THRB: variants seen among roughly 807,000 people sequenced by gnomAD.
THRB encodes the protein thyroid hormone receptor beta.
A neutral mutation model predicts 47.8 loss-of-function variants in THRB; 12 were observed. The ratio of observed to expected loss-of-function variants is 0.25; its 90% CI spans 0.16 to 0.41. THRB has a LOEUF of 0.41. THRB is among the 10% of genes least tolerant of loss of function. The pLI is 1.00. For missense variants in THRB, 348 were observed against 589.2 expected (o/e 0.59, Z 4.24); for synonymous variants, 218 against 212.2 (o/e 1.03, Z -0.24).
chr3:24,208,626 T>C (rs2045667137), intron 4 of THRB, among the ~76,000 whole-genome samples: 1 of 152,212 alleles, frequency 6.6e-6, no homozygotes, highest in South Asian at 2.1e-4. Context: ...TAAATGGTGC[T>C]GGGAAAACTG....
chr3:24,321,116 A>C (rs1036335139), intron 2 of THRB, among the ~76,000 whole-genome samples: 1 of 152,208 alleles, frequency 6.6e-6, no homozygotes, highest in African/African-American at 2.4e-5. Flanking sequence ...ATTTATTCTA[A>C]AGTCCATGAA....
At chr3:24,175,705 T>G (rs1217083208) in intron 5 of THRB, among the ~76,000 whole-genome samples, 1 of 152,104 alleles carries the variant, frequency 6.6e-6, no homozygotes. Context: ...GTGGCTTGAA[T>G]ATCATGGCAT....
intron 3 of THRB, among the ~76,000 whole-genome samples, chr3:24,237,113 A>G (rs369093104): frequency 3.3e-5 from 5 of 152,200 alleles, no homozygotes; most frequent in Admixed American, 6.5e-5. Flanking sequence ...GTTAGTAAAA[A>G]TGTGGAAAAC....
intron 1 of THRB, among the ~76,000 whole-genome samples, chr3:24,399,349 T>G (rs1432961162): frequency 1.3e-5 from 2 of 152,052 alleles, no homozygotes; most frequent in African/African-American, 2.4e-5. Flanking sequence ...AGGTTATAAT[T>G]CCTTTTTTCT....
intron 1 of THRB, among the ~76,000 whole-genome samples, chr3:24,482,611 C>T (rs934628575): frequency 2.0e-5 from 3 of 151,378 alleles, no homozygotes; most frequent in Non-Finnish European, 4.4e-5. Flanking sequence ...GACACAGGAC[C>T]CCCAGCTTCC....
chr3:24,147,376 C>A (rs1452947595), intron 6 of THRB, among the ~76,000 whole-genome samples: 1 of 152,180 alleles, frequency 6.6e-6, no homozygotes, highest in African/African-American at 2.4e-5. Flanking sequence ...CTTGAGACAG[C>A]CATGATCAGC....
At chr3:24,369,299 A>G (rs1382364834) in intron 1 of THRB, among the ~76,000 whole-genome samples, 2 of 152,158 alleles carry the variant, frequency 1.3e-5, no homozygotes, top group Admixed American at 6.6e-5. Context: ...GAATTCAGTT[A>G]TCACAACTCT....
intron 10 of THRB, among the ~76,000 whole-genome samples, chr3:24,126,173 A>C (rs1262369375): frequency 6.6e-6 from 1 of 152,162 alleles, no homozygotes; most frequent in Non-Finnish European, 1.5e-5. Flanking sequence ...TGAGAAGATC[A>C]CTTGAGCCCA....
intron 5 of THRB, among the ~76,000 whole-genome samples, chr3:24,154,241 AT>A (rs1306693642): frequency 1.3e-5 from 2 of 152,202 alleles, no homozygotes; most frequent in African/African-American, 4.8e-5. Flanking sequence ...CTTGTCAGTC[AT>A]TTTTAAAAAG....
intron 2 of THRB, among the ~76,000 whole-genome samples, chr3:24,321,859 A>C (rs1470050818): frequency 1.3e-5 from 2 of 152,216 alleles, no homozygotes; most frequent in Non-Finnish European, 2.9e-5. Context: ...ACACCATGAA[A>C]AATAGAATGT....
In THRB at chr3:24,412,055, A is replaced by G. The variant is rs552408898; in HGVS notation, c.-260-74684T>C. 7.2e-5 allele frequency among the ~76,000 whole-genome samples: 11 copies of G among 151,888 alleles called. No homozygotes were observed. The East Asian group carries it at 2.0e-3, about 27-fold the overall frequency. On this transcript the variant is annotated intron_variant, in intron 1 of 10. Coordinates refer to ENST00000646209, the MANE Select transcript of THRB (RefSeq NM_001354712.2). Reference sequence around the variant, plus strand: ...AGGTGCAGGAGAGGGAAAGATATAAACATGACATGTACAGAGTACTCCATT... The same window carrying G: ...AGGTGCAGGAGAGGGAAAGATATAAGCATGACATGTACAGAGTACTCCATT...
intron 3 of THRB, among the ~76,000 whole-genome samples, chr3:24,279,862 C>A (rs1047869957): frequency 6.6e-6 from 1 of 152,184 alleles, no homozygotes; most frequent in African/African-American, 2.4e-5. Flanking sequence ...AGTTCTTAAT[C>A]TGTGATCCAT....
chr3:24,208,933 A>C (rs1414720911), intron 4 of THRB, among the ~76,000 whole-genome samples: 7 of 152,236 alleles, frequency 4.6e-5, no homozygotes, highest in African/African-American at 1.4e-4. Context: ...AAATTTTTGC[A>C]ATCTACGCAT....
intron 1 of THRB, among the ~76,000 whole-genome samples, chr3:24,392,173 T>C (rs1170846772): frequency 6.6e-6 from 1 of 152,154 alleles, no homozygotes; most frequent in Non-Finnish European, 1.5e-5. Flanking sequence ...ATATTTAACA[T>C]TTTATTATGG....
At chr3:24,477,343 T>C (rs1695642902) in intron 1 of THRB, among the ~76,000 whole-genome samples, 1 of 152,178 alleles carries the variant, frequency 6.6e-6, no homozygotes, top group Non-Finnish European at 1.5e-5. Context: ...ATAGTTTGTT[T>C]TCTGCACTTT....
chr3:24,261,534 T>C (rs115722846), intron 3 of THRB, among the ~76,000 whole-genome samples: 5,688 of 149,538 alleles, frequency 0.038, 339 homozygotes, highest in African/African-American at 0.12. Flanking sequence ...AAAAACTCTC[T>C]AGATCCCACT....
At chr3:24,319,425 T>G (rs1377336883) in intron 2 of THRB, among the ~76,000 whole-genome samples, 1 of 152,232 alleles carries the variant, frequency 6.6e-6, no homozygotes, top group Non-Finnish European at 1.5e-5. Context: ...ACAACAGGTA[T>G]GAATCTTACA....
At chr3:24,234,972 C>A (rs1421632981) in intron 3 of THRB, among the ~76,000 whole-genome samples, 1 of 152,108 alleles carries the variant, frequency 6.6e-6, no homozygotes, top group African/African-American at 2.4e-5. Flanking sequence ...AAATGGGGAG[C>A]CACGGAAGGT....
At chr3:24,475,696 T>C (rs1307239397) in intron 1 of THRB, among the ~76,000 whole-genome samples, 2 of 152,154 alleles carry the variant, frequency 1.3e-5, no homozygotes, top group African/African-American at 4.8e-5. Context: ...GAACACCAGG[T>C]ATCTCATCTT....
Sources: gnomAD v4.1 joint callset for allele counts (sites outside exome capture counted in the v4.1 genomes callset) on GRCh38, gnomAD v4.1.1 for gene constraint, MANE v1.5 for transcripts, NCBI Gene and HGNC (gene_info 2026-07-23, HGNC 2026-07-21) for gene names.